PABIR3: variants seen among roughly 807,000 people sequenced by gnomAD.
PABIR3 encodes the protein PABIR family member 1.
In PABIR3, 20 loss-of-function variants were observed where a neutral mutation model predicts 23.1. The observed-to-expected ratio is 0.86, with a 90% CI of 0.61 to 1.26. PABIR3 has a LOEUF of 1.26. PABIR3 is among the 50% of genes most tolerant of loss of function. PABIR3 has a pLI of 0.00. For missense variants in PABIR3, 189 were observed against 195.4 expected (o/e 0.97, Z 0.20); for synonymous variants, 69 against 68.5 (o/e 1.01, Z -0.04).
chrX:134,861,101 C>G, the PABIR3 span, among the ~76,000 whole-genome samples: 1 of 110,757 alleles, frequency 9.0e-6, no homozygotes, highest in Middle Eastern at 4.6e-3. Context: ...ATGGTGAAAC[C>G]CTTTCTCTAT....
intron 2 of PABIR3, chrX:134,809,265 AAG>A (rs2080468421): frequency 8.4e-6 from 1 of 119,534 alleles, no homozygotes; most frequent in Admixed American, 9.6e-5. Context: ...TCCCGGGTTC[AAG>A]CGATTCTCCT....
At chrX:134,864,094 A>G in the PABIR3 span, among the ~76,000 whole-genome samples, 3 of 110,739 alleles carry the variant, frequency 2.7e-5, no homozygotes, top group Non-Finnish European at 3.8e-5. Flanking sequence ...TTTGTTGCCC[A>G]GGCTCGAGTG....
Position 134,810,720 on chromosome X carries a change from T to G in PABIR3, c.110+3012T>G, listed in dbSNP as rs111615736. ...CCCTTTTTTTTTCCTTCCTTGGCCC[T>G]CTAATACTTGAGTACTTCCTCTTTC... On this transcript the variant is annotated intron_variant, in intron 2 of 10. Coordinates refer to ENST00000645433, the MANE Select transcript of PABIR3 (RefSeq NM_001388447.1). 4.2e-3 allele frequency: 3,132 copies of G among 751,792 alleles called. 67 individuals are homozygous for G. The African/African-American group carries it at 0.064, about 15-fold the overall frequency. The allele number at this position is 751,792 out of a possible 1,213,427, so 62.0% of individuals were successfully genotyped here. A position where few individuals can be genotyped will look rare whatever the true frequency, so the allele number is the denominator to read the frequency against.
chrX:134,799,523 TCTC>T (rs1296081953), intron 1 of PABIR3, among the ~76,000 whole-genome samples: 10 of 112,548 alleles, frequency 8.9e-5, no homozygotes, highest in Non-Finnish European at 3.8e-5. Context: ...TTTCATAACT[TCTC>T]CTTTGCGAAC....
At chrX:134,858,734 G>A (rs1436109107), downstream of PABIR3, among the ~76,000 whole-genome samples, 1 of 111,468 alleles carries the variant, frequency 9.0e-6, no homozygotes, top group Non-Finnish European at 1.9e-5. Context: ...CTGAAATTCC[G>A]TAATGTCTCG....
intron 2 of PABIR3, among the ~76,000 whole-genome samples, chrX:134,813,747 G>A (rs867701327): frequency 9.0e-6 from 1 of 111,099 alleles, no homozygotes; most frequent in Non-Finnish European, 1.9e-5. Context: ...AATATACAGC[G>A]GGACGACATC....
In PABIR3 at chrX:134,842,723, C is replaced by T. The variant is rs567625503; in HGVS notation, c.247-2482C>T. 9.1e-5 allele frequency among the ~76,000 whole-genome samples: 10 copies of T among 110,192 alleles called. No individual in the cohort carries two copies. The South Asian group carries it at 2.3e-3, about 26-fold the overall frequency. On this transcript the variant is annotated intron_variant, in intron 4 of 10. Transcript: ENST00000645433. ...AACCAGCCTGGCCAACACGGTGAAA[C>T]CCCATCTCTGCTAAACATACAAAAA...
chrX:134,839,527 G>A (rs762867965), intron 4 of PABIR3: 1,294 of 117,978 alleles, frequency 0.011, 21 homozygotes, highest in African/African-American at 0.041. Flanking sequence ...AGTGAGGAGC[G>A]TCTCTGCCCG....
rs556999416 is a variant in PABIR3, at chrX:134,842,823, G to A, written c.247-2382G>A. 7.9e-4 allele frequency among the ~76,000 whole-genome samples: 85 copies of A among 107,792 alleles called. 3 individuals are homozygous for A. In the South Asian group the frequency reaches 0.034, roughly 43 times the overall value. 93.6% of individuals were successfully genotyped at this position (107,792 alleles called of 115,157 possible). A position where few individuals can be genotyped will look rare whatever the true frequency, so the allele number is the denominator to read the frequency against. ...TGAGGCAGGAGAATTGCTTGAATCC[G>A]GGAGGCAGAGGTTGCAGTGAGCTGA... On this transcript the variant is annotated intron_variant, in intron 4 of 10. Coordinates refer to ENST00000645433, the MANE Select transcript of PABIR3 (RefSeq NM_001388447.1).
At chrX:134,817,167 C>G (rs1007024405) in intron 3 of PABIR3, among the ~76,000 whole-genome samples, 2 of 111,224 alleles carry the variant, frequency 1.8e-5, no homozygotes, top group Non-Finnish European at 3.8e-5. Context: ...GAGACTTTCT[C>G]TCAAAACAAA....
chrX:134,807,360 G>GT lies in PABIR3; in HGVS notation c.-60+21dup, dbSNP rs2080296304. 2 of 960,900 alleles carry GT rather than the reference G, an allele frequency of 2.1e-6. No homozygotes were observed. Among genetic ancestry groups the GT allele is most frequent in the Non-Finnish European group, 2.6e-6 (2 of 768,321 alleles). 79.2% of individuals were successfully genotyped at this position (960,900 alleles called of 1,213,427 possible). A position where few individuals can be genotyped will look rare whatever the true frequency, so the allele number is the denominator to read the frequency against. ...CTTGGAGGTGGGGGATCTTCTCATC[G>GT]TTAGAGGCCCCGATCATGGGAGATA... On this transcript the variant is annotated intron_variant, in intron 1 of 10. Coordinates refer to ENST00000645433, the MANE Select transcript of PABIR3 (RefSeq NM_001388447.1).
intron 6 of PABIR3, among the ~76,000 whole-genome samples, chrX:134,846,185 TCTCGTGAGAACTCA>T (rs2082427610): frequency 9.0e-6 from 1 of 111,132 alleles, no homozygotes; most frequent in African/African-American, 3.3e-5. Context: ...AGCCGTCAAA[TCTCGTGAGAACTCA>T]CTCACTACCA....
chrX:134,829,426 A>C, intron 4 of PABIR3, 144 bp downstream of exon 4: 1 of 505,682 alleles, frequency 2.0e-6, no homozygotes, highest in Non-Finnish European at 3.1e-6. Flanking sequence ...TTCTTCAAAA[A>C]AAAAACAAAA....
intron 3 of PABIR3, among the ~76,000 whole-genome samples, chrX:134,827,253 C>T (rs2081546928): frequency 9.0e-6 from 1 of 111,725 alleles, no homozygotes; most frequent in African/African-American, 3.3e-5. Flanking sequence ...AGGCATGAGC[C>T]ACCACACATG....
At chrX:134,805,287 C>T (rs1183213221), upstream of PABIR3, among the ~76,000 whole-genome samples, 1 of 111,722 alleles carries the variant, frequency 9.0e-6, no homozygotes, top group Non-Finnish European at 1.9e-5. Flanking sequence ...ACTTTAAATG[C>T]AATCACCTAT....
intron 9 of PABIR3, 94 bp from the exon 10 acceptor site, chrX:134,852,706 A>T (rs1312466821): frequency 1.7e-5 from 8 of 464,644 alleles, no homozygotes; most frequent in Non-Finnish European, 2.6e-5. Context: ...GTATTTTATA[A>T]ATTAATTGCA....
upstream of PABIR3, among the ~76,000 whole-genome samples, chrX:134,806,113 T>TA (rs1205846865): frequency 8.9e-6 from 1 of 111,803 alleles, no homozygotes; most frequent in African/African-American, 3.3e-5. Context: ...GAGTAGTTCT[T>TA]AAAACGATAT....
chrX:134,853,974 G>A, intron 10 of PABIR3, 117 bp from the exon 11 acceptor site: 1 of 756,565 alleles, frequency 1.3e-6, no homozygotes, highest in Non-Finnish European at 1.9e-6. Context: ...AAAAAACTTT[G>A]CTTGTGACAA....
intron 1 of PABIR3, among the ~76,000 whole-genome samples, chrX:134,800,716 G>C (rs2080045017): frequency 8.9e-6 from 1 of 111,989 alleles, no homozygotes. Flanking sequence ...CTTGAACCTG[G>C]GAGGTGGAGG....
Sources: allele counts gnomAD v4.1 joint callset (sites outside exome capture counted in the v4.1 genomes callset), GRCh38; gene constraint gnomAD v4.1.1; transcripts MANE v1.5; gene names NCBI Gene and HGNC (gene_info 2026-07-23, HGNC 2026-07-21).